GUCY1B1: variants seen among roughly 807,000 people sequenced by gnomAD.
GUCY1B1 encodes guanylate cyclase 1 soluble subunit beta 1, also known as guanylate cyclase soluble subunit beta-1.
GUCY1B1 carries 43 observed loss-of-function variants against 71.0 expected under a neutral mutation model. The observed-to-expected ratio is 0.61, with a 90% CI of 0.47 to 0.78. The LOEUF (loss-of-function observed/expected upper bound fraction) is 0.78. GUCY1B1 is among the 30% of genes least tolerant of loss of function. GUCY1B1 has a pLI of 0.00. For missense variants in GUCY1B1, 535 were observed against 754.1 expected (o/e 0.71, Z 3.40); for synonymous variants, 266 against 259.7 (o/e 1.02, Z -0.23).
intron 2 of GUCY1B1, among the ~76,000 whole-genome samples, chr4:155,769,716 T>G (rs1297933018): frequency 6.6e-6 from 1 of 152,168 alleles, no homozygotes; most frequent in African/African-American, 2.4e-5. Context: ...TTTTGTCATC[T>G]AAGAAGCATT....
chr4:155,774,125 G>T (rs1737874918), intron 2 of GUCY1B1, among the ~76,000 whole-genome samples: 1 of 152,148 alleles, frequency 6.6e-6, no homozygotes, highest in African/African-American at 2.4e-5. Flanking sequence ...CACCACTCAT[G>T]TCACAAGTGC....
intron 2 of GUCY1B1, among the ~76,000 whole-genome samples, chr4:155,767,061 C>T (rs1055884313): frequency 1.3e-5 from 2 of 152,132 alleles, no homozygotes; most frequent in Non-Finnish European, 2.9e-5. Context: ...CTGCCTCAAA[C>T]ACTCAGCTAT....
intron 4 of GUCY1B1, among the ~76,000 whole-genome samples, chr4:155,783,855 G>A (rs1738594017): frequency 6.6e-6 from 1 of 152,098 alleles, no homozygotes; most frequent in African/African-American, 2.4e-5. Context: ...AAAAAGAGCT[G>A]TTTTCTCAGC....
intron 4 of GUCY1B1, among the ~76,000 whole-genome samples, chr4:155,784,151 T>C: frequency 6.6e-6 from 1 of 152,280 alleles, no homozygotes; most frequent in Admixed American, 6.5e-5. Context: ...TAAATTGATA[T>C]AGCTTTAACG....
chr4:155,803,612 A>G lies in GUCY1B1; in HGVS notation c.1414-12A>G, dbSNP rs375658639. 8.6e-6 allele frequency: 13 copies of G among 1,507,168 alleles called. No homozygotes were observed. Among genetic ancestry groups the G allele is most frequent in the Non-Finnish European group, 1.2e-5 (13 of 1,124,840 alleles). 93.4% of individuals were successfully genotyped at this position (1,507,168 alleles called of 1,614,324 possible). On this transcript the variant is annotated splice_polypyrimidine_tract_variant and intron_variant, in intron 10 of 13. Transcript: ENST00000264424. ...ATGCTAACCGTGAACATCTAAATAT[A>G]TGTACTGTTAGGTGGAGACTGTTGG...
intron 7 of GUCY1B1, among the ~76,000 whole-genome samples, 177 bp downstream of exon 7, chr4:155,795,634 A>G (rs1289996317): frequency 6.6e-6 from 1 of 152,180 alleles, no homozygotes; most frequent in Non-Finnish European, 1.5e-5. Flanking sequence ...GGAGCAGTGG[A>G]ACTCTATCAA....
chr4:155,760,550 C>T (rs1736933332), intron 2 of GUCY1B1, among the ~76,000 whole-genome samples: 1 of 150,158 alleles, frequency 6.7e-6, no homozygotes, highest in South Asian at 2.1e-4. Flanking sequence ...AACGGAAATA[C>T]CACACCCACC....
chr4:155,787,969 C>A (rs541572704), intron 4 of GUCY1B1, among the ~76,000 whole-genome samples: 12 of 152,278 alleles, frequency 7.9e-5, no homozygotes, highest in African/African-American at 2.6e-4. Context: ...CATTTTGAAA[C>A]TGTTTTGTTG....
chr4:155,767,069 TATTA>T, intron 2 of GUCY1B1, among the ~76,000 whole-genome samples: 1 of 152,178 alleles, frequency 6.6e-6, no homozygotes, highest in East Asian at 1.9e-4. Context: ...AACACTCAGC[TATTA>T]ATTATTAGAG....
At chr4:155,800,441 C>T (rs1029209383) in intron 9 of GUCY1B1, among the ~76,000 whole-genome samples, 1 of 152,140 alleles carries the variant, frequency 6.6e-6, no homozygotes, top group African/African-American at 2.4e-5. Context: ...ATGCTGGGGG[C>T]TGCCGCGTGC....
chr4:155,793,885 T>A lies in GUCY1B1; in HGVS notation c.525T>A (p.Asp175Glu). 1 of 1,541,958 alleles carries A rather than the reference T, an allele frequency of 6.5e-7. No homozygotes were observed. Among genetic ancestry groups the A allele is most frequent in the Non-Finnish European group, 9.0e-7 (1 of 1,114,212 alleles). The change falls in exon 6 of 14, where the codon GAT becomes GAA. Residue 175 changes from aspartate to glutamate, a missense_variant. Physicochemically the swap from Asp to Glu is conservative, Grantham distance 45. Coordinates refer to ENST00000264424, the MANE Select transcript of GUCY1B1 (RefSeq NM_000857.5). Reference protein sequence around the residue: ...KVIQQRNEECDHTQFLIEEKE... With the variant: ...KVIQQRNEECEHTQFLIEEKE... ...TTCAGCAAAGAAATGAAGAATGTGA[T>A]CATACTCAATTTTTAATTGAAGAAA...
Position 155,806,437 on chromosome 4 carries a change from A to G in GUCY1B1, c.*28A>G, listed in dbSNP as rs768659792. The G allele has an allele frequency of 1.9e-6, 3 of 1,565,296 alleles. No individual in the cohort carries two copies. Among genetic ancestry groups the G allele is most frequent in the East Asian group, 2.2e-5 (1 of 44,596 alleles). On this transcript the variant is annotated 3_prime_UTR_variant, in exon 14 of 14. Coordinates refer to ENST00000264424, the MANE Select transcript of GUCY1B1 (RefSeq NM_000857.5). ...CTTGGATTATGGGGTGAAGAGGAGT[A>G]CAGACTAGGTTCCAGTTTTCTCCTA... is the stretch of plus-strand genomic sequence containing the variant.
intron 11 of GUCY1B1, among the ~76,000 whole-genome samples, chr4:155,804,339 A>G (rs932168529): frequency 3.9e-5 from 6 of 152,126 alleles, no homozygotes; most frequent in Non-Finnish European, 8.8e-5. Flanking sequence ...AAGGAGGGGA[A>G]CATCACACAC....
chr4:155,761,094 T>C (rs1257722251), intron 2 of GUCY1B1, among the ~76,000 whole-genome samples: 1 of 152,210 alleles, frequency 6.6e-6, no homozygotes, highest in Non-Finnish European at 1.5e-5. Flanking sequence ...CCATTTGTAT[T>C]ATCCACAGGG....
At chr4:155,773,647 A>T (rs1019530289) in intron 2 of GUCY1B1, among the ~76,000 whole-genome samples, 1 of 152,200 alleles carries the variant, frequency 6.6e-6, no homozygotes, top group Non-Finnish European at 1.5e-5. Context: ...ACATCCTTTT[A>T]GTTGCTTAGA....
rs1165956434 is a variant in GUCY1B1 at position 155,802,348 on chromosome 4, G to A, written c.1182G>A (p.Leu394=). ...TGCTGATCCCACTGAACAGATTGCT[G>A]TATTCTGTCCTTCCTCCGTCTGTTG... is the stretch of plus-strand genomic sequence containing the variant. The part of the protein sequence containing the change: ...EDEKKKTDTL[L]YSVLPPSVAN... Residue 394 remains leucine, a synonymous_variant, in exon 10 of 14, where the codon CTG becomes CTA. Coordinates refer to ENST00000264424, the MANE Select transcript of GUCY1B1 (RefSeq NM_000857.5). This position sits in a 1 kb window ranked among gnomAD's most constrained non-coding sequence, Gnocchi z 4.3. 3.7e-6 allele frequency: 6 copies of A among 1,613,640 alleles called. No individual in the cohort carries two copies. The South Asian group carries it at 5.5e-5, about 15-fold the overall frequency.
intron 2 of GUCY1B1, among the ~76,000 whole-genome samples, chr4:155,770,053 G>T (rs1737595581): frequency 6.6e-6 from 1 of 152,104 alleles, no homozygotes; most frequent in Non-Finnish European, 1.5e-5. Context: ...TAAATTACTA[G>T]AAGTGTTATT....
At position 155,775,001 on chromosome 4, in the gene GUCY1B1, T is replaced by C; in HGVS notation, c.111T>C (p.Phe37=). 1 of 1,602,490 alleles carries C rather than the reference T, an allele frequency of 6.2e-7. No individual in the cohort carries two copies. Among genetic ancestry groups the C allele is most frequent in the Non-Finnish European group, 8.5e-7 (1 of 1,169,950 alleles). ...KEAQLDEEGQ[F]LVRIIYDDSK... ...CACAGTTAGATGAAGAAGGACAGTT[T>C]CTTGTCAGAATAATATATGATGACT... Residue 37 remains phenylalanine, a synonymous_variant, in exon 3 of 14, where the codon TTT becomes TTC. Coordinates refer to ENST00000264424, the MANE Select transcript of GUCY1B1 (RefSeq NM_000857.5).
rs556858032 is a variant in GUCY1B1, at chr4:155,767,560, G to A, written c.78-7408G>A. On this transcript the variant is annotated intron_variant, in intron 2 of 13. Transcript: ENST00000264424. ...TTGTTTCCCCTAAAACTAAGGTATG[G>A]GTGTCACTCAGGAGAGTATTTATTG... Among the ~76,000 whole-genome samples, 5 of 152,102 alleles carry A rather than the reference G, an allele frequency of 3.3e-5. No individual in the cohort carries two copies. In the South Asian group the frequency reaches 1.0e-3, roughly 32 times the overall value.
Sources: gnomAD v4.1 joint callset for allele counts (sites outside exome capture counted in the v4.1 genomes callset) on GRCh38, gnomAD v4.1.1 for gene constraint, Gnocchi (gnomAD v3.1) non-coding constraint, MANE v1.5 for transcripts, NCBI Gene and HGNC (gene_info 2026-07-23, HGNC 2026-07-21) for gene names.